PTP4A2: variants seen among roughly 807,000 people sequenced by gnomAD.
The protein encoded by PTP4A2 is protein tyrosine phosphatase 4A2.
In PTP4A2, 2 loss-of-function variants were observed where a neutral mutation model predicts 22.9. The observed-to-expected ratio is 0.09, with a 90% CI of 0.04 to 0.27. The LOEUF (loss-of-function observed/expected upper bound fraction) is 0.27, where lower values mean the gene tolerates loss of function less well. Among genes scored for constraint, PTP4A2 ranks in the 10% least tolerant of loss-of-function variants. The probability of loss-of-function intolerance (pLI) is 1.00; values close to 1 mark genes in which losing one functional copy is unlikely to be tolerated. For missense variants in PTP4A2, 103 were observed against 205.1 expected, an observed-to-expected ratio of 0.50 and a Z score of 3.04; for synonymous variants, 68 against 69.1, an observed-to-expected ratio of 0.98 and a Z score of 0.08.
rs750520518 is a variant in PTP4A2 at position 31,908,894 on chromosome 1, T to A, written c.462A>T (p.Arg154=). 4 of 1,613,934 alleles carry A rather than the reference T, an allele frequency of 2.5e-6. No homozygotes were observed. The African/African-American group carries it at 5.3e-5, about 22-fold the overall frequency. ...LYLEKYRPKM[R]LRFRDTNGHC... is the part of the protein sequence containing the mutation. Reference sequence around the variant, plus strand: ...GCCCATTGGTATCTCTGAAGCGTAATCGCATCTTAGGTCGGTATTTCTCCA... The same window carrying A: ...GCCCATTGGTATCTCTGAAGCGTAAACGCATCTTAGGTCGGTATTTCTCCA... Residue 154 remains arginine (R), a synonymous_variant, in exon 6 of 6, where the codon CGA becomes CGT. Transcript: ENST00000647444.
intron 1 of PTP4A2, among the ~76,000 whole-genome samples, chr1:31,924,601 C>G (rs911795304): frequency 1.3e-5 from 2 of 152,190 alleles, no homozygotes; most frequent in African/African-American, 4.8e-5. Flanking sequence ...AAAGTTGTCT[C>G]TCTGACATTA....
intron 1 of PTP4A2, among the ~76,000 whole-genome samples, chr1:31,923,210 CTTCTT>C (rs929394463): frequency 8.0e-5 from 12 of 149,964 alleles, no homozygotes; most frequent in African/African-American, 2.7e-4. Context: ...CACCCAGCCT[CTTCTT>C]TTCTTTTCAG....
chr1:31,917,085 CCAATAT>C (rs1651886077), intron 2 of PTP4A2, among the ~76,000 whole-genome samples: 1 of 152,182 alleles, frequency 6.6e-6, no homozygotes, highest in African/African-American at 2.4e-5. Context: ...CAAGGGGCTA[CCAATAT>C]CTTTTTTATA....
Position 31,929,846 on chromosome 1 carries a change from G to T in PTP4A2, c.-594+8141C>A, listed in dbSNP as rs113688241. 4.2e-3 allele frequency among the ~76,000 whole-genome samples: 643 copies of T among 152,292 alleles called. 2 individuals carry two copies. The highest frequency in any genetic ancestry group is 0.024 in the South Asian group (114 of 4,826). ...GTAAAAATCCAAAAGAACACCTGGA[G>T]TCAGCCTGTCAACACCACATTGAAA... On this transcript the variant is annotated intron_variant, in intron 1 of 5. Coordinates refer to ENST00000647444, the MANE Select transcript of PTP4A2 (RefSeq NM_080391.4).
chr1:31,934,418 CCAAGAG>C (rs1376038799), intron 1 of PTP4A2, among the ~76,000 whole-genome samples: 1 of 152,164 alleles, frequency 6.6e-6, no homozygotes, highest in Non-Finnish European at 1.5e-5. Flanking sequence ...TCTTCCAAGA[CCAAGAG>C]CAACAGCTAA....
In PTP4A2 at chr1:31,919,033, A is replaced by G; in HGVS notation, c.33T>C (p.Tyr11=). Reference sequence around the variant, plus strand: ...GAGTTATCAGAAAACGCATGTTCTCATAGGAGATCTCCACAGGGGCTGGAC... The same window carrying G: ...GAGTTATCAGAAAACGCATGTTCTCGTAGGAGATCTCCACAGGGGCTGGAC... MNRPAPVEIS[Y]ENMRFLITHN... is the part of the protein sequence containing the mutation. Residue 11 remains tyrosine, a synonymous_variant, in exon 2 of 6, where the codon TAT becomes TAC. Transcript: ENST00000647444. 2 of 1,607,772 alleles carry G rather than the reference A, an allele frequency of 1.2e-6. No individual in the cohort carries two copies. The highest frequency in any genetic ancestry group is 1.7e-6 in the Non-Finnish European group (2 of 1,175,108).
chr1:31,928,526 C>T (rs377764007), intron 1 of PTP4A2, among the ~76,000 whole-genome samples: 47 of 151,432 alleles, frequency 3.1e-4, no homozygotes, highest in African/African-American at 1.1e-3. Context: ...ATGGCAAAAC[C>T]CTGTCTCTAC....
chr1:31,927,167 A>T (rs1652503737), intron 1 of PTP4A2, among the ~76,000 whole-genome samples: 1 of 152,260 alleles, frequency 6.6e-6, no homozygotes, highest in Non-Finnish European at 1.5e-5. Context: ...TGACAACTCA[A>T]AGCCATAAAA....
chr1:31,909,681 AAAAAG>A (rs1467860394), intron 5 of PTP4A2, among the ~76,000 whole-genome samples: 1 of 152,008 alleles, frequency 6.6e-6, no homozygotes, highest in Non-Finnish European at 1.5e-5. Flanking sequence ...CAAAAAAAAA[AAAAAG>A]AGTCTCAGGT....
chr1:31,927,537 A>G (rs1652522910), intron 1 of PTP4A2, among the ~76,000 whole-genome samples: 1 of 152,198 alleles, frequency 6.6e-6, no homozygotes, highest in Non-Finnish European at 1.5e-5. Flanking sequence ...GGAGAGAAAA[A>G]AAGAGTGATA....
At chr1:31,930,748 G>A (rs1652691859) in intron 1 of PTP4A2, among the ~76,000 whole-genome samples, 2 of 152,138 alleles carry the variant, frequency 1.3e-5, no homozygotes, top group Non-Finnish European at 2.9e-5. Context: ...GCTGCTGGTG[G>A]CCTTTTAAAA....
chr1:31,933,438 C>T (rs543672451), intron 1 of PTP4A2, among the ~76,000 whole-genome samples: 4 of 152,260 alleles, frequency 2.6e-5, no homozygotes. Context: ...TATTGATAAT[C>T]TTTAACTTAG....
Position 31,919,299 on chromosome 1 carries a change from T to C in PTP4A2, c.-234A>G, listed in dbSNP as rs1652020419. 1 of 296,672 alleles carries C rather than the reference T, an allele frequency of 3.4e-6. No homozygotes were observed. The highest frequency in any genetic ancestry group is 2.2e-5 in the African/African-American group (1 of 44,884). The allele number at this position is 296,672 out of a possible 1,614,324, so 18.4% of individuals were successfully genotyped here. ...AATCCAAATTCAATTTGGGCCTCAATTTCTGCAGATGGATACCTTCGGACT... is the reference window on the plus strand; with the variant it reads ...AATCCAAATTCAATTTGGGCCTCAACTTCTGCAGATGGATACCTTCGGACT... On this transcript the variant is annotated 5_prime_UTR_variant, in exon 2 of 6. Coordinates refer to ENST00000647444, the MANE Select transcript of PTP4A2 (RefSeq NM_080391.4).
At chr1:31,909,985 C>T in intron 5 of PTP4A2, 53 bp downstream of exon 5, 2 of 1,464,334 alleles carry the variant, frequency 1.4e-6, no homozygotes, top group South Asian at 2.3e-5. Context: ...TAATTCCTTC[C>T]TCATGCATGA....
intron 2 of PTP4A2, among the ~76,000 whole-genome samples, chr1:31,918,285 A>G (rs1557863741): frequency 6.6e-6 from 1 of 152,100 alleles, no homozygotes; most frequent in Non-Finnish European, 1.5e-5. Flanking sequence ...ATGCTTGCTC[A>G]AAGAAGTACA....
Position 31,913,332 on chromosome 1 carries a change from A to C in PTP4A2, c.190-1506T>G, listed in dbSNP as rs185677597. Among the ~76,000 whole-genome samples the C allele has an allele frequency of 2.5e-3, 378 of 152,342 alleles. 4 individuals are homozygous for C. The highest frequency in any genetic ancestry group is 8.5e-3 in the African/African-American group (354 of 41,576). Reference sequence around the variant, plus strand: ...AAGGCTAAATGCCCTTGTTTTTTCAAGTGTAAGTTAAACCTTTCATTTTAT... The same window carrying C: ...AAGGCTAAATGCCCTTGTTTTTTCACGTGTAAGTTAAACCTTTCATTTTAT... On this transcript the variant is annotated intron_variant, in intron 3 of 5. Transcript: ENST00000647444.
Position 31,908,789 on chromosome 1 carries a change from T to G in PTP4A2, c.*63A>C. The G allele has an allele frequency of 8.6e-7, 1 of 1,162,578 alleles. No individual in the cohort carries two copies. The highest frequency in any genetic ancestry group is 2.8e-4 in the Middle Eastern group (1 of 3,542). 72.0% of individuals were successfully genotyped at this position (1,162,578 alleles called of 1,614,324 possible). A position where few individuals can be genotyped will look rare whatever the true frequency, so the allele number is the denominator to read the frequency against. ...CACAGGTAATATTCCAGATTCACAT[T>G]TCCAGGTACCAAGAGTTCCCTCTAA... On this transcript the variant is annotated 3_prime_UTR_variant, in exon 6 of 6. Coordinates refer to ENST00000647444, the MANE Select transcript of PTP4A2 (RefSeq NM_080391.4).
At chr1:31,909,620 C>T (rs919379770) in intron 5 of PTP4A2, among the ~76,000 whole-genome samples, 1 of 150,774 alleles carries the variant, frequency 6.6e-6, no homozygotes, top group Non-Finnish European at 1.5e-5. Context: ...TGCAGTGAGC[C>T]GAGATTGAGC....
At chr1:31,909,400 G>C (rs1651411202) in intron 5 of PTP4A2, among the ~76,000 whole-genome samples, 1 of 152,284 alleles carries the variant, frequency 6.6e-6, no homozygotes, top group South Asian at 2.1e-4. Context: ...GTGAGGCCAG[G>C]CGTGGTGGCT....
Sources: allele counts gnomAD v4.1 joint callset (sites outside exome capture counted in the v4.1 genomes callset), GRCh38; gene constraint gnomAD v4.1.1; transcripts MANE v1.5; gene names NCBI Gene and HGNC (gene_info 2026-07-23, HGNC 2026-07-21).